MAGI1: variants seen among roughly 807,000 people sequenced by gnomAD.
The protein encoded by MAGI1 is membrane-associated guanylate kinase, WW and PDZ domain-containing protein 1.
Under a neutral mutation model 139.9 loss-of-function variants are expected in MAGI1, and 58 were observed. The observed-to-expected ratio is 0.41, with a 90% CI of 0.34 to 0.52. The LOEUF is 0.52. Ranked by LOEUF, MAGI1 falls within the 20% of genes least tolerant of loss-of-function variation. The probability of loss-of-function intolerance (pLI) is 0.12; values close to 1 mark genes in which losing one functional copy is unlikely to be tolerated. For synonymous variants in MAGI1, 812 were observed against 737.9 expected (o/e 1.10, Z -1.63); for missense variants, 1,874 against 1,901.6 (o/e 0.99, Z 0.27).
At chr3:65,769,611 T>A (rs1177019362) in intron 1 of MAGI1, among the ~76,000 whole-genome samples, 2 of 152,174 alleles carry the variant, frequency 1.3e-5, no homozygotes, top group Non-Finnish European at 2.9e-5. Context: ...GTGATGGACA[T>A]GCAATTGAAA....
chr3:65,536,014 A>C (rs2107875473), intron 2 of MAGI1, among the ~76,000 whole-genome samples: 1 of 152,304 alleles, frequency 6.6e-6, no homozygotes, highest in East Asian at 1.9e-4. Context: ...ACAAATGGAG[A>C]AATCCAACTC....
chr3:65,751,944 C>T (rs149608820), intron 1 of MAGI1, among the ~76,000 whole-genome samples: 7 of 152,076 alleles, frequency 4.6e-5, no homozygotes, highest in African/African-American at 9.6e-5. Flanking sequence ...CTGATTTTTT[C>T]GTTTGTTTGT....
At chr3:65,758,574 G>C (rs1042340677) in intron 1 of MAGI1, among the ~76,000 whole-genome samples, 3 of 152,080 alleles carry the variant, frequency 2.0e-5, no homozygotes, top group African/African-American at 7.2e-5. Flanking sequence ...TCTCAACTGG[G>C]GGGGAATATC....
At chr3:65,666,456 C>T (rs1371639216) in intron 1 of MAGI1, among the ~76,000 whole-genome samples, 1 of 152,166 alleles carries the variant, frequency 6.6e-6, no homozygotes, top group Non-Finnish European at 1.5e-5. Context: ...AGAGAGAATG[C>T]TTTGAGACTA....
At chr3:65,844,928 CT>C (rs1321808032) in intron 1 of MAGI1, among the ~76,000 whole-genome samples, 1 of 152,154 alleles carries the variant, frequency 6.6e-6, no homozygotes, top group Non-Finnish European at 1.5e-5. Flanking sequence ...CAACCCTTTC[CT>C]TCATCTGAGT....
At chr3:65,465,275 T>C (rs747293401) in intron 5 of MAGI1, among the ~76,000 whole-genome samples, 2 of 151,224 alleles carry the variant, frequency 1.3e-5, no homozygotes, top group African/African-American at 2.4e-5. Flanking sequence ...TGAAGAAAAG[T>C]ATTTTATTTA....
chr3:65,728,774 A>T (rs73131773), intron 1 of MAGI1, among the ~76,000 whole-genome samples: 23,683 of 151,786 alleles, frequency 0.16, 2,045 homozygotes, highest in Non-Finnish European at 0.17. Flanking sequence ...CACTTTTTTT[A>T]AAAAATCTTA....
At position 65,548,511 on chromosome 3, in the gene MAGI1, C is replaced by CTTTTTTTTTTT. The variant is rs1170215972; in HGVS notation, c.431-54891_431-54881dup. 4.1e-4 allele frequency among the ~76,000 whole-genome samples: 36 copies of CTTTTTTTTTTT among 87,384 alleles called. 3 individuals are homozygous for CTTTTTTTTTTT. The highest frequency in any genetic ancestry group is 7.4e-3 in the Middle Eastern group (1 of 136). 57.3% of individuals were successfully genotyped at this position (87,384 alleles called of 152,430 possible). ...AGCCCAGCTTTATGCAAACAACACTCTTTTTTTTTTTTTTTTTTTTTTTTT... is the reference window on the plus strand; with the variant it reads ...AGCCCAGCTTTATGCAAACAACACTCTTTTTTTTTTTTTTTTTTTTTTTTTTTTTTTTTTTT... On this transcript the variant is annotated intron_variant, in intron 2 of 22. Coordinates refer to ENST00000402939, the MANE Select transcript of MAGI1 (RefSeq NM_001033057.2).
At chr3:65,451,253 T>A (rs897148186) in intron 6 of MAGI1, among the ~76,000 whole-genome samples, 1 of 152,236 alleles carries the variant, frequency 6.6e-6, no homozygotes, top group Non-Finnish European at 1.5e-5. Context: ...TATAATATTG[T>A]ATTAACAAGC....
At chr3:65,783,813 A>AT (rs1330265700) in intron 1 of MAGI1, among the ~76,000 whole-genome samples, 2 of 151,684 alleles carry the variant, frequency 1.3e-5, no homozygotes, top group Non-Finnish European at 2.9e-5. Context: ...CAAAAAAAAA[A>AT]AAAAAAATTA....
chr3:66,010,159 C>A (rs1363123448), intron 1 of MAGI1, among the ~76,000 whole-genome samples: 3 of 150,508 alleles, frequency 2.0e-5, no homozygotes, highest in African/African-American at 7.3e-5. Flanking sequence ...AAATGCTTAG[C>A]CACAACATTA....
In MAGI1 at chr3:65,357,109, G is replaced by A. The variant is rs1940245318; in HGVS notation, c.3658C>T (p.Pro1220Ser). 3.1e-6 allele frequency: 5 copies of A among 1,612,530 alleles called. No homozygotes were observed. In the East Asian group the frequency reaches 6.7e-5, roughly 22 times the overall value. ...EYDPSSDRHG[P>S]ATGPQGVPEV... ...GGAACACCTTGTGGACCGGTGGCGG[G>A]GCCGTGGCGGTCGCTGCTGGGGTCT... is the stretch of plus-strand genomic sequence containing the variant. The change falls in exon 23 of 23, where the codon CCC becomes TCC. Residue 1220 changes from proline (P) to serine (S), a missense_variant. Physicochemically the swap from Pro to Ser is moderately conservative, Grantham distance 74 (BLOSUM62 -1). This residue lies in a region of MAGI1 where 653 missense variants were observed against 644.5 expected (regional missense o/e 1.01). Coordinates refer to ENST00000402939, the MANE Select transcript of MAGI1 (RefSeq NM_001033057.2).
chr3:65,525,808 G>A (rs1358590851), intron 2 of MAGI1, among the ~76,000 whole-genome samples: 1 of 152,098 alleles, frequency 6.6e-6, no homozygotes, highest in African/African-American at 2.4e-5. Flanking sequence ...ATACAATTAG[G>A]TATCACAATT....
chr3:65,551,257 C>T (rs1384046361), intron 2 of MAGI1, among the ~76,000 whole-genome samples: 1 of 152,170 alleles, frequency 6.6e-6, no homozygotes, highest in African/African-American at 2.4e-5. Context: ...TTCCTGAGGA[C>T]TCCCCAGCCA....
At chr3:65,951,239 G>A (rs1386673746) in intron 1 of MAGI1, among the ~76,000 whole-genome samples, 1 of 152,126 alleles carries the variant, frequency 6.6e-6, no homozygotes, top group Non-Finnish European at 1.5e-5. Flanking sequence ...GGTCCAATAT[G>A]GTAACCCCCA....
In MAGI1 at chr3:65,361,276, G is replaced by A; in HGVS notation, c.3557C>T (p.Ala1186Val). 6.2e-7 allele frequency: 1 copy of A among 1,614,100 alleles called. No individual in the cohort carries two copies. Among genetic ancestry groups the A allele is most frequent in the Non-Finnish European group, 8.5e-7 (1 of 1,179,998 alleles). The change falls in exon 22 of 23, where the codon GCT becomes GTT. Residue 1186 changes from alanine to valine, a missense_variant. Transcript: ENST00000402939. Reference protein sequence around the residue: ...ETTKNMKHSRAIELIKNGGRR... With the variant: ...ETTKNMKHSRVIELIKNGGRR... ...GCCACCATTCTTAATCAGTTCTATA[G>A]CTCGAGAATGCTTCATGTTTTTGGT... is the stretch of plus-strand genomic sequence containing the variant.
At chr3:66,002,204 G>A (rs1227090230) in intron 1 of MAGI1, among the ~76,000 whole-genome samples, 1 of 152,130 alleles carries the variant, frequency 6.6e-6, no homozygotes, top group Non-Finnish European at 1.5e-5. Flanking sequence ...CGCATTTTCA[G>A]AAACACTGGG....
intron 1 of MAGI1, among the ~76,000 whole-genome samples, chr3:65,640,125 C>A (rs886855747): frequency 5.9e-5 from 9 of 152,070 alleles, no homozygotes; most frequent in African/African-American, 2.2e-4. Flanking sequence ...GTACCATCAG[C>A]TCCTCTGGGT....
intron 4 of MAGI1, among the ~76,000 whole-genome samples, chr3:65,475,266 T>G (rs960499162): frequency 6.6e-6 from 1 of 152,144 alleles, no homozygotes; most frequent in African/African-American, 2.4e-5. Flanking sequence ...CAGGCTGGAG[T>G]ACAATGGTGC....
Sources: gnomAD v4.1 joint callset for allele counts (sites outside exome capture counted in the v4.1 genomes callset) on GRCh38, gnomAD v4.1.1 for gene constraint, gnomAD v4.1.1 regional missense constraint, MANE v1.5 for transcripts, NCBI Gene and HGNC (gene_info 2026-07-23, HGNC 2026-07-21) for gene names.